The following PLCH1 variants were observed in gnomAD, a reference collection of about 807,000 sequenced individuals.
The protein encoded by PLCH1 is 1-phosphatidylinositol 4,5-bisphosphate phosphodiesterase eta-1.
Under a neutral mutation model 126.7 loss-of-function variants are expected in PLCH1, and 60 were observed. The ratio of observed to expected loss-of-function variants is 0.47; its 90% CI spans 0.38 to 0.59. The LOEUF is 0.59. Among genes scored for constraint, PLCH1 ranks in the 20% least tolerant of loss-of-function variants. PLCH1 has a pLI of 0.00. For synonymous variants in PLCH1, 719 were observed against 734.9 expected, an observed-to-expected ratio of 0.98 and a Z score of 0.35; for missense variants, 1,723 against 2,040.0, an observed-to-expected ratio of 0.84 and a Z score of 2.99.
At chr3:155,682,369 C>G (rs923794798) in intron 2 of PLCH1, among the ~76,000 whole-genome samples, 1 of 152,166 alleles carries the variant, frequency 6.6e-6, no homozygotes, top group Non-Finnish European at 1.5e-5. Flanking sequence ...ATTGCTGCAA[C>G]TTTTATATTA....
chr3:155,731,598 G>A (rs952233213), intron 1 of PLCH1, among the ~76,000 whole-genome samples: 5 of 152,104 alleles, frequency 3.3e-5, no homozygotes, highest in Non-Finnish European at 7.4e-5. Flanking sequence ...CTGATAAAAG[G>A]CTTTCCCACA....
At chr3:155,565,673 T>C (rs1268324095) in intron 7 of PLCH1, among the ~76,000 whole-genome samples, 1 of 150,032 alleles carries the variant, frequency 6.7e-6, no homozygotes, top group African/African-American at 2.4e-5. Context: ...TCTTTCTTTC[T>C]TTCCTTCTTT....
At chr3:155,479,876 C>T (rs1404247682), downstream of PLCH1, 1 of 151,788 alleles carries the variant, frequency 6.6e-6, no homozygotes, top group Non-Finnish European at 1.5e-5. Context: ...AAAAAGTTCA[C>T]CAAGTGTTTA....
At chr3:155,636,144 T>C (rs1328337437) in intron 2 of PLCH1, among the ~76,000 whole-genome samples, 3 of 152,086 alleles carry the variant, frequency 2.0e-5, no homozygotes, top group South Asian at 2.1e-4. Flanking sequence ...CTGGCCAGCA[T>C]TGTGTCACTT....
In PLCH1 at chr3:155,577,280, T is replaced by G. The variant is rs140233370; in HGVS notation, c.771+6192A>C. On this transcript the variant is annotated intron_variant, in intron 6 of 22. Coordinates refer to ENST00000460012, the MANE Select transcript of PLCH1 (RefSeq NM_014996.4). ...CTAAAAAATAAATAACTTGGTTTTATTTCAGATTTTTGAATTACTAATAAA... is the reference window on the plus strand; with the variant it reads ...CTAAAAAATAAATAACTTGGTTTTAGTTCAGATTTTTGAATTACTAATAAA... Among the ~76,000 whole-genome samples the G allele has an allele frequency of 5.7e-4, 87 of 152,276 alleles. 1 individual carries two copies. Among genetic ancestry groups the G allele is most frequent in the African/African-American group, 2.0e-3 (83 of 41,568 alleles).
At chr3:155,698,892 A>C (rs1423326239) in intron 2 of PLCH1, among the ~76,000 whole-genome samples, 1 of 152,090 alleles carries the variant, frequency 6.6e-6, no homozygotes, top group Admixed American at 6.5e-5. Context: ...CAATAAAAGA[A>C]ATCTACCTGG....
intron 2 of PLCH1, among the ~76,000 whole-genome samples, chr3:155,633,663 A>G (rs1738351513): frequency 6.6e-6 from 1 of 152,192 alleles, no homozygotes; most frequent in Non-Finnish European, 1.5e-5. Context: ...GCCCACGCCT[A>G]TAATGCCAAC....
chr3:155,707,263 C>T (rs1030138207), intron 1 of PLCH1, among the ~76,000 whole-genome samples: 2 of 152,178 alleles, frequency 1.3e-5, no homozygotes, highest in African/African-American at 4.8e-5. Flanking sequence ...CCAAAATGAA[C>T]TAAGACAACA....
At chr3:155,677,049 T>C (rs1181024031) in intron 2 of PLCH1, among the ~76,000 whole-genome samples, 1 of 152,236 alleles carries the variant, frequency 6.6e-6, no homozygotes, top group African/African-American at 2.4e-5. Flanking sequence ...CAATTTACAG[T>C]AGTCTTGCAT....
intron 2 of PLCH1, among the ~76,000 whole-genome samples, chr3:155,703,158 A>G (rs1437811735): frequency 6.6e-6 from 1 of 152,244 alleles, no homozygotes; most frequent in Non-Finnish European, 1.5e-5. Flanking sequence ...AAAAAACACT[A>G]TAAACACCAA....
chr3:155,624,724 C>T (rs773870664), intron 2 of PLCH1, among the ~76,000 whole-genome samples: 17 of 152,026 alleles, frequency 1.1e-4, no homozygotes, highest in African/African-American at 2.9e-4. Context: ...TACAAACCAC[C>T]GCTCAAGGAA....
chr3:155,663,638 T>A (rs955674161), intron 2 of PLCH1, among the ~76,000 whole-genome samples: 1 of 152,320 alleles, frequency 6.6e-6, no homozygotes, highest in African/African-American at 2.4e-5. Context: ...TAGTTGTGTG[T>A]GCCTCACGCA....
intron 1 of PLCH1, among the ~76,000 whole-genome samples, chr3:155,728,773 A>G (rs1748533404): frequency 6.6e-6 from 1 of 152,180 alleles, no homozygotes. Context: ...ATATGCCTTC[A>G]TTTTAAAAGT....
Position 155,565,024 on chromosome 3 carries a change from G to C in PLCH1, c.960C>G (p.Tyr320Ter). The C allele has an allele frequency of 6.2e-7, 1 of 1,612,792 alleles. No homozygotes were observed. Among genetic ancestry groups the C allele is most frequent in the Middle Eastern group, 1.7e-4 (1 of 6,056 alleles). ...ATGTATTGTGAGAGGAAGCAATGTA[G>C]TAGTTGCAGAGGGGCTGATCCATGT... The part of the protein sequence containing the change: ...YQDMDQPLCN[Y>*]YIASSHNTYL... Residue 320 changes from tyrosine (Y) to a stop codon, truncating the protein, a stop_gained, in exon 8 of 23, where the codon TAC becomes TAG. Coordinates refer to ENST00000460012, the MANE Select transcript of PLCH1 (RefSeq NM_014996.4). LOFTEE classifies it high-confidence loss of function.
At chr3:155,720,878 C>T (rs1451285128) in intron 1 of PLCH1, among the ~76,000 whole-genome samples, 1 of 152,148 alleles carries the variant, frequency 6.6e-6, no homozygotes, top group Non-Finnish European at 1.5e-5. Context: ...GTCTTTGATC[C>T]ATCTTCAGTT....
chr3:155,498,747 A>T lies in PLCH1; in HGVS notation c.1797-1330T>A, dbSNP rs150884539. Among the ~76,000 whole-genome samples, 291 of 152,294 alleles carry T rather than the reference A, an allele frequency of 1.9e-3. 1 individual carries two copies. Among genetic ancestry groups the T allele is most frequent in the African/African-American group, 6.8e-3 (282 of 41,570 alleles). ...ATTCTCTAGCTTTCTTAAAACAAACATTCATTACTTTATCTAGTGCTGTTT... is the reference window on the plus strand; with the variant it reads ...ATTCTCTAGCTTTCTTAAAACAAACTTTCATTACTTTATCTAGTGCTGTTT... On this transcript the variant is annotated intron_variant, in intron 14 of 22. Transcript: ENST00000460012.
chr3:155,614,341 C>T (rs1029875037), intron 2 of PLCH1, among the ~76,000 whole-genome samples: 3 of 151,982 alleles, frequency 2.0e-5, no homozygotes, highest in African/African-American at 7.2e-5. Flanking sequence ...ATAACAAAAG[C>T]AAGACTAAGT....
chr3:155,680,088 T>C (rs1408337960), intron 2 of PLCH1, among the ~76,000 whole-genome samples: 1 of 151,894 alleles, frequency 6.6e-6, no homozygotes, highest in Non-Finnish European at 1.5e-5. Context: ...AATAAATAAA[T>C]AAATAAAAAT....
chr3:155,681,333 C>T (rs1157978302), intron 2 of PLCH1, among the ~76,000 whole-genome samples: 2 of 152,202 alleles, frequency 1.3e-5, no homozygotes, highest in Non-Finnish European at 2.9e-5. Flanking sequence ...GATACTGTTC[C>T]TAGCATTGCA....
Sources: gnomAD v4.1 joint callset for allele counts (sites outside exome capture counted in the v4.1 genomes callset) on GRCh38, gnomAD v4.1.1 for gene constraint, MANE v1.5 for transcripts, NCBI Gene and HGNC (gene_info 2026-07-23, HGNC 2026-07-21) for gene names.